Variants in MS4A4A observed in about 807,000 individuals in gnomAD.
MS4A4A encodes the protein membrane-spanning 4-domains subfamily A member 4A.
In MS4A4A, 26 loss-of-function variants were observed where a neutral mutation model predicts 28.0. The observed-to-expected ratio is 0.93, with a 90% confidence interval of 0.68 to 1.29. MS4A4A has a LOEUF of 1.29. Among genes scored for constraint, MS4A4A ranks in the 50% most tolerant of loss-of-function variants. MS4A4A has a pLI of 0.00. For missense variants in MS4A4A, 290 were observed against 293.1 expected (o/e 0.99, Z 0.08); for synonymous variants, 86 against 100.8 (o/e 0.85, Z 0.88).
At chr11:60,294,807 A>G (rs565675611) in intron 2 of MS4A4A, among the ~76,000 whole-genome samples, 10 of 151,436 alleles carry the variant, frequency 6.6e-5, no homozygotes, top group Non-Finnish European at 1.2e-4. Context: ...CTATTTGTCT[A>G]TTTCTTTGCT....
intron 2 of MS4A4A, among the ~76,000 whole-genome samples, chr11:60,295,328 G>A (rs183772650): frequency 1.3e-5 from 2 of 152,056 alleles, no homozygotes; most frequent in Admixed American, 1.3e-4. Flanking sequence ...TGTCTCTTGT[G>A]TATTAATCTT....
At chr11:60,291,796 C>CAAAAA (rs60913455) in intron 1 of MS4A4A, among the ~76,000 whole-genome samples, 6 of 133,970 alleles carry the variant, frequency 4.5e-5, no homozygotes, top group Middle Eastern at 3.7e-3. Context: ...GACTCCATCT[C>CAAAAA]AAAAAAAAAA....
At position 60,303,641 on chromosome 11, in the gene MS4A4A, G is replaced by A. The variant is rs185104308; in HGVS notation, c.546+924G>A. ...GAGAATTGCTTGAAGCTGGGAGGCG[G>A]AGGTTGCAGTGAGCCGAGATGGACA... On this transcript the variant is annotated intron_variant, in intron 5 of 6. Transcript: ENST00000337908. Among the ~76,000 whole-genome samples the A allele has an allele frequency of 4.6e-5, 7 of 152,254 alleles. No homozygotes were observed. The East Asian group carries it at 1.4e-3, about 29-fold the overall frequency.
At chr11:60,288,441 T>C (rs892515259) in intron 1 of MS4A4A, among the ~76,000 whole-genome samples, 1 of 152,212 alleles carries the variant, frequency 6.6e-6, no homozygotes, top group African/African-American at 2.4e-5. Context: ...GCTGTAACTT[T>C]GAAGCAAACC....
rs749462175 is a variant in MS4A4A at position 60,282,623 on chromosome 11, C to CA, written c.41+1910dup. 3.0e-5 allele frequency: 39 copies of CA among 1,284,228 alleles called. No individual in the cohort carries two copies. The South Asian group carries it at 4.5e-4, about 15-fold the overall frequency. 79.6% of individuals were successfully genotyped at this position (1,284,228 alleles called of 1,614,324 possible). ...TCACAAGAGGGGTGGAACATTCCTG[C>CA]AAATGGTTTCAATATATGCAGATGT... On this transcript the variant is annotated intron_variant, in intron 1 of 6. Transcript: ENST00000337908.
intron 1 of MS4A4A, among the ~76,000 whole-genome samples, chr11:60,289,541 T>C (rs1308756099): frequency 2.0e-5 from 3 of 151,906 alleles, no homozygotes; most frequent in East Asian, 3.9e-4. Flanking sequence ...GTTACTTTAG[T>C]TGGAATGCAT....
intron 1 of MS4A4A, chr11:60,290,362 A>G (rs1193135806): frequency 6.5e-6 from 1 of 153,136 alleles, no homozygotes; most frequent in Non-Finnish European, 1.5e-5. Context: ...CAAATTTATC[A>G]TCATGTAATC....
At chr11:60,280,794 G>A in intron 1 of MS4A4A, 78 bp downstream of exon 1, 3 of 1,557,962 alleles carry the variant, frequency 1.9e-6, no homozygotes, top group South Asian at 1.1e-5. Context: ...TTTCTGGGAG[G>A]GGAATGAGAA....
chr11:60,303,622 T>C (rs561783153), intron 5 of MS4A4A, among the ~76,000 whole-genome samples: 187 of 152,128 alleles, frequency 1.2e-3, no homozygotes, highest in African/African-American at 4.2e-3. Flanking sequence ...GCAGGAGAAT[T>C]GCTTGAAGCT....
rs1395089635 is a variant in MS4A4A, at chr11:60,280,801, A to G, written c.41+85A>G. On this transcript the variant is annotated intron_variant, in intron 1 of 6. Coordinates refer to ENST00000337908, the MANE Select transcript of MS4A4A (RefSeq NM_148975.3). Reference sequence around the variant, plus strand: ...GTTAAGAATTTCTGGGAGGGGAATGAGAAGAATAATGAGGCCACTTCCCAT... The same window carrying G: ...GTTAAGAATTTCTGGGAGGGGAATGGGAAGAATAATGAGGCCACTTCCCAT... 15 of 1,530,254 alleles carry G rather than the reference A, an allele frequency of 9.8e-6. 1 individual carries two copies. The East Asian group carries it at 3.2e-4, about 33-fold the overall frequency. 94.8% of individuals were successfully genotyped at this position (1,530,254 alleles called of 1,614,324 possible). A position where few individuals can be genotyped will look rare whatever the true frequency, so the allele number is the denominator to read the frequency against.
Position 60,292,404 on chromosome 11 carries a change from G to A in MS4A4A, c.201+20G>A. 2 of 1,575,530 alleles carry A rather than the reference G, an allele frequency of 1.3e-6. No individual in the cohort carries two copies. Among genetic ancestry groups the A allele is most frequent in the Non-Finnish European group, 1.7e-6 (2 of 1,163,346 alleles). ...CTTGGGGTAAGTTGCAAATCTAGGG[G>A]AAGACCAATGGTGTTGCAAACTCAT... is the stretch of plus-strand genomic sequence containing the variant. On this transcript the variant is annotated intron_variant, in intron 2 of 6. Coordinates refer to ENST00000337908, the MANE Select transcript of MS4A4A (RefSeq NM_148975.3).
chr11:60,280,890 G>C (rs977770582), intron 1 of MS4A4A, among the ~76,000 whole-genome samples, 174 bp downstream of exon 1: 15 of 151,884 alleles, frequency 9.9e-5, no homozygotes, highest in Non-Finnish European at 1.3e-4. Flanking sequence ...ATTCGGTGGG[G>C]GGATGAGGAA....
chr11:60,288,438 C>T (rs1255875712), intron 1 of MS4A4A, among the ~76,000 whole-genome samples: 1 of 152,226 alleles, frequency 6.6e-6, no homozygotes, highest in Non-Finnish European at 1.5e-5. Context: ...GAGGCTGTAA[C>T]TTTGAAGCAA....
chr11:60,292,403 G>A lies in MS4A4A; in HGVS notation c.201+19G>A, dbSNP rs1435022595. 2.5e-6 allele frequency: 4 copies of A among 1,576,070 alleles called. No homozygotes were observed. The highest frequency in any genetic ancestry group is 2.6e-6 in the Non-Finnish European group (3 of 1,163,618). On this transcript the variant is annotated intron_variant, in intron 2 of 6. Transcript: ENST00000337908. ...CCTTGGGGTAAGTTGCAAATCTAGG[G>A]GAAGACCAATGGTGTTGCAAACTCA...
In MS4A4A at chr11:60,308,834, ATCT is replaced by A. The variant is rs2085032185; in HGVS notation, c.*662_*664del. 6.6e-6 allele frequency: 1 copy of A among 152,240 alleles called. No homozygotes were observed. The highest frequency in any genetic ancestry group is 1.5e-5 in the Non-Finnish European group (1 of 68,038). The allele number at this position is 152,240 out of a possible 1,614,324, so 9.4% of individuals were successfully genotyped here. ...AGATTCAACTTATATTTTCTATTTC[ATCT>A]TCTTCCTTTCCCTTCTCCCACCTTC... On this transcript the variant is annotated 3_prime_UTR_variant, in exon 7 of 7. Transcript: ENST00000337908.
intron 3 of MS4A4A, among the ~76,000 whole-genome samples, chr11:60,298,026 A>T (rs1204613036): frequency 6.6e-6 from 1 of 150,822 alleles, no homozygotes; most frequent in Non-Finnish European, 1.5e-5. Flanking sequence ...TCAATAAAAT[A>T]ACTAATTATT....
intron 6 of MS4A4A, 150 bp from the exon 7 acceptor site, chr11:60,307,957 G>C: frequency 1.4e-6 from 1 of 717,566 alleles, no homozygotes; most frequent in Non-Finnish European, 2.4e-6. Flanking sequence ...CTGATCAAGA[G>C]AGTGACTGAG....
At chr11:60,305,786 T>C (rs898943799) in intron 5 of MS4A4A, 8 of 249,654 alleles carry the variant, frequency 3.2e-5, no homozygotes, top group African/African-American at 6.7e-5. Context: ...GAGTTTCTAG[T>C]ACTCAATAGG....
At position 60,288,052 on chromosome 11, in the gene MS4A4A, C is replaced by T. The variant is rs541896777; in HGVS notation, c.42-4173C>T. Among the ~76,000 whole-genome samples, 284 of 152,242 alleles carry T rather than the reference C, an allele frequency of 1.9e-3. 2 individuals are homozygous for T. Among genetic ancestry groups the T allele is most frequent in the Non-Finnish European group, 3.7e-3 (253 of 68,018 alleles). On this transcript the variant is annotated intron_variant, in intron 1 of 6. Coordinates refer to ENST00000337908, the MANE Select transcript of MS4A4A (RefSeq NM_148975.3). ...GTTGCATGCTAGTGGCCCTATAGTT[C>T]CGAGATCTCAAAGGTAGCCTCACTA...
Sources: allele counts gnomAD v4.1 joint callset (sites outside exome capture counted in the v4.1 genomes callset), GRCh38; gene constraint gnomAD v4.1.1; transcripts MANE v1.5; gene names NCBI Gene and HGNC (gene_info 2026-07-23, HGNC 2026-07-21).